IQCH: variants seen among roughly 807,000 people sequenced by gnomAD.
IQCH encodes IQ motif containing H.
In IQCH, 98 loss-of-function variants were observed where a neutral mutation model predicts 117.0. The observed-to-expected ratio is 0.84, with a 90% CI of 0.71 to 0.99. The LOEUF is 0.99. IQCH is among the 50% of genes least tolerant of loss of function. The pLI is 0.00. For synonymous variants in IQCH, 412 were observed against 448.2 expected, an observed-to-expected ratio of 0.92 and a Z score of 1.02; for missense variants, 1,102 against 1,243.8, an observed-to-expected ratio of 0.89 and a Z score of 1.72.
intron 4 of IQCH, among the ~76,000 whole-genome samples, chr15:67,322,617 C>A (rs1347455281): frequency 6.6e-6 from 1 of 152,182 alleles, no homozygotes; most frequent in Non-Finnish European, 1.5e-5. Context: ...AGGTGCCCTG[C>A]CCACTCAGCC....
At position 67,401,858 on chromosome 15, in the gene IQCH, G is replaced by A. The variant is rs1169143535; in HGVS notation, c.2097+1553G>A. Among the ~76,000 whole-genome samples the A allele has an allele frequency of 1.3e-5, 2 of 151,998 alleles. No individual in the cohort carries two copies. Among genetic ancestry groups the A allele is most frequent in the African/African-American group, 4.8e-5 (2 of 41,382 alleles). On this transcript the variant is annotated intron_variant, in intron 14 of 20. Coordinates refer to ENST00000335894, the MANE Select transcript of IQCH (RefSeq NM_001031715.3). This position sits in a 1 kb window ranked among gnomAD's most constrained non-coding sequence, Gnocchi z 4.7. ...ATTTCCCTTATATTCTCTTTGAACT[G>A]GATTTTATTTCGTATTGTATAGATT...
chr15:67,264,764 G>A (rs1235726540), intron 3 of IQCH, among the ~76,000 whole-genome samples: 1 of 151,760 alleles, frequency 6.6e-6, no homozygotes, highest in Non-Finnish European at 1.5e-5. Flanking sequence ...GGGATCATTG[G>A]GGGCCATCTA....
In IQCH at chr15:67,346,646, G is replaced by C. The variant is rs147259474; in HGVS notation, c.637+2455G>C. 7.9e-4 allele frequency among the ~76,000 whole-genome samples: 121 copies of C among 152,258 alleles called. No individual in the cohort carries two copies. The East Asian group carries it at 0.022, about 27-fold the overall frequency. ...AGTTCCTAATGGGCCACAGTACCCA[G>C]TCTGTGGCTTGTGGGTTAGGGACCC... is the stretch of plus-strand genomic sequence containing the variant. On this transcript the variant is annotated intron_variant, in intron 6 of 20. Transcript: ENST00000335894.
At chr15:67,340,760 G>C (rs1008637420) in intron 5 of IQCH, among the ~76,000 whole-genome samples, 6 of 152,110 alleles carry the variant, frequency 3.9e-5, no homozygotes, top group Admixed American at 2.0e-4. Flanking sequence ...AATCAGAACA[G>C]AATTCCTTTA....
At position 67,330,824 on chromosome 15, in the gene IQCH, T is replaced by C. The variant is rs182070542; in HGVS notation, c.388-6151T>C. ...GGTTGAAGGTAGGGAGGGATGGCCT[T>C]ATCTTCAACTAAGTAAGCAAGCCCT... is the stretch of plus-strand genomic sequence containing the variant. On this transcript the variant is annotated intron_variant, in intron 4 of 20. Coordinates refer to ENST00000335894, the MANE Select transcript of IQCH (RefSeq NM_001031715.3). Among the ~76,000 whole-genome samples, 68 of 152,276 alleles carry C rather than the reference T, an allele frequency of 4.5e-4. 1 individual carries two copies. Among genetic ancestry groups the C allele is most frequent in the African/African-American group, 1.6e-3 (67 of 41,546 alleles).
In IQCH at chr15:67,472,336, C is replaced by T. The variant is rs2083091058; in HGVS notation, c.2677-3360C>T. ...GAAGTAGTTGGAAGGGTGCACTGAG[C>T]AAGTTTGGGGAGGTCTACCCACCAC... On this transcript the variant is annotated intron_variant, in intron 17 of 20. Transcript: ENST00000335894. This position sits in a 1 kb window ranked among gnomAD's most constrained non-coding sequence, Gnocchi z 4.3. Among the ~76,000 whole-genome samples the T allele has an allele frequency of 6.6e-6, 1 of 152,066 alleles. No individual in the cohort carries two copies. The highest frequency in any genetic ancestry group is 1.5e-5 in the Non-Finnish European group (1 of 68,020).
intron 4 of IQCH, among the ~76,000 whole-genome samples, chr15:67,284,825 T>C (rs1454879844): frequency 6.6e-6 from 1 of 152,234 alleles, no homozygotes; most frequent in Non-Finnish European, 1.5e-5. Flanking sequence ...CCATGGTGTA[T>C]ATCTACCACA....
chr15:67,449,655 G>A (rs1389705665), intron 16 of IQCH, among the ~76,000 whole-genome samples: 1 of 152,190 alleles, frequency 6.6e-6, no homozygotes, highest in Non-Finnish European at 1.5e-5. Context: ...AAGTCAGGTA[G>A]CGTGATGCCT....
chr15:67,327,977 AT>A (rs1216009657), intron 4 of IQCH, among the ~76,000 whole-genome samples: 1 of 152,162 alleles, frequency 6.6e-6, no homozygotes, highest in Non-Finnish European at 1.5e-5. Flanking sequence ...TTCTTGAATT[AT>A]AGCCACTCTG....
In IQCH at chr15:67,386,649, C is replaced by G. The variant is rs562587353; in HGVS notation, c.1456+1630C>G. On this transcript the variant is annotated intron_variant, in intron 11 of 20. Coordinates refer to ENST00000335894, the MANE Select transcript of IQCH (RefSeq NM_001031715.3). This position sits in a 1 kb window ranked among gnomAD's most constrained non-coding sequence, Gnocchi z 5.0. ...AGATAATCCAGTCACACTGGTAAGG[C>G]TTGTCACTAGATATTGGCTGTGAAT... Among the ~76,000 whole-genome samples the G allele has an allele frequency of 2.5e-4, 38 of 152,230 alleles. 1 individual carries two copies. The highest frequency in any genetic ancestry group is 6.8e-3 in the Middle Eastern group (2 of 294).
In IQCH at chr15:67,326,077, A is replaced by G. The variant is rs1596186864; in HGVS notation, c.388-10898A>G. ...GGTGTGCTGCACCCATTAACTCGTC[A>G]TTTACATTGGGTGTATCTCCTAATG... On this transcript the variant is annotated intron_variant, in intron 4 of 20. Coordinates refer to ENST00000335894, the MANE Select transcript of IQCH (RefSeq NM_001031715.3). Among the ~76,000 whole-genome samples the G allele has an allele frequency of 2.6e-5, 4 of 152,140 alleles. No individual in the cohort carries two copies. The East Asian group carries it at 7.7e-4, about 29-fold the overall frequency.
intron 18 of IQCH, among the ~76,000 whole-genome samples, chr15:67,484,549 T>C (rs577204419): frequency 7.0e-6 from 1 of 142,862 alleles, no homozygotes; most frequent in Non-Finnish European, 1.5e-5. Flanking sequence ...GTTAGCATGG[T>C]GAAACCCTGT....
rs1270420591 is a variant in IQCH at position 67,442,883 on chromosome 15, TAA to T, written c.2505+21309_2505+21310del. Among the ~76,000 whole-genome samples, 174 of 147,110 alleles carry T rather than the reference TAA, an allele frequency of 1.2e-3. 3 individuals carry two copies. The East Asian group carries it at 0.016, about 14-fold the overall frequency. Reference sequence around the variant, plus strand: ...AGATAGATATACATATATATATATATAAAATACATATAGATATACATACACAC... The same window carrying T: ...AGATAGATATACATATATATATATATAATACATATAGATATACATACACAC... On this transcript the variant is annotated intron_variant, in intron 16 of 20. Coordinates refer to ENST00000335894, the MANE Select transcript of IQCH (RefSeq NM_001031715.3).
In IQCH at chr15:67,265,229, C is replaced by A. The variant is rs548712542; in HGVS notation, c.269+2013C>A. Among the ~76,000 whole-genome samples the A allele has an allele frequency of 9.1e-4, 138 of 152,328 alleles. 1 individual carries two copies. The highest frequency in any genetic ancestry group is 2.6e-3 in the African/African-American group (110 of 41,586). ...AGGTAGCAATTGCAGCTACAGAGAA[C>A]AAAACAGAAAGTATCTGGCAGAAAT... On this transcript the variant is annotated intron_variant, in intron 3 of 20. Transcript: ENST00000335894.
chr15:67,429,194 GTTC>G (rs2081964834), intron 16 of IQCH, among the ~76,000 whole-genome samples: 1 of 152,156 alleles, frequency 6.6e-6, no homozygotes, highest in African/African-American at 2.4e-5. Flanking sequence ...TTGCTATTTT[GTTC>G]TTTGTGTTTT....
chr15:67,491,324 T>C lies in IQCH; in HGVS notation c.2861+1260T>C, dbSNP rs533546959. Among the ~76,000 whole-genome samples, 1 of 152,314 alleles carries C rather than the reference T, an allele frequency of 6.6e-6. No homozygotes were observed. Among genetic ancestry groups the C allele is most frequent in the East Asian group, 1.9e-4 (1 of 5,188 alleles). On this transcript the variant is annotated intron_variant, in intron 19 of 20. Coordinates refer to ENST00000335894, the MANE Select transcript of IQCH (RefSeq NM_001031715.3). This position sits in a 1 kb window ranked among gnomAD's most constrained non-coding sequence, Gnocchi z 4.9. ...CTATCCAAAGCATAGTCCTTTGTTC[T>C]ACCAAAGCATTATCAGTTAGACCAT...
intron 6 of IQCH, among the ~76,000 whole-genome samples, chr15:67,350,716 G>A (rs758219102): frequency 2.0e-5 from 3 of 152,266 alleles, no homozygotes; most frequent in East Asian, 1.9e-4. Flanking sequence ...GTGAGCCACC[G>A]TGCCTAGCCT....
chr15:67,308,125 C>T (rs62015983), intron 4 of IQCH, among the ~76,000 whole-genome samples: 4,096 of 152,228 alleles, frequency 0.027, 81 homozygotes, highest in African/African-American at 0.052. Context: ...CTGCATATTC[C>T]GCCTGCTGTA....
intron 4 of IQCH, among the ~76,000 whole-genome samples, chr15:67,335,917 T>A (rs1006302661): frequency 3.3e-5 from 5 of 152,214 alleles, no homozygotes; most frequent in Non-Finnish European, 5.9e-5. Flanking sequence ...AGCTAATAGA[T>A]ACTTATTTTG....
Sources: gnomAD v4.1 joint callset for allele counts (sites outside exome capture counted in the v4.1 genomes callset) on GRCh38, gnomAD v4.1.1 for gene constraint, Gnocchi (gnomAD v3.1) non-coding constraint, MANE v1.5 for transcripts, NCBI Gene and HGNC (gene_info 2026-07-23, HGNC 2026-07-21) for gene names.